The following NAV2 variants were observed in gnomAD, a reference collection of about 807,000 sequenced individuals.
NAV2 encodes the protein neuron navigator 2.
Under a neutral mutation model 223.2 loss-of-function variants are expected in NAV2, and 54 were observed. That is an observed-to-expected ratio of 0.24 (90% confidence interval 0.19 to 0.30). The LOEUF is 0.30. Among genes scored for constraint, NAV2 ranks in the 10% least tolerant of loss-of-function variants. The probability of loss-of-function intolerance (pLI) is 1.00; values close to 1 mark genes in which losing one functional copy is unlikely to be tolerated. For synonymous variants in NAV2, 1,279 were observed against 1,239.3 expected (o/e 1.03, Z -0.67); for missense variants, 2,806 against 3,147.5 (o/e 0.89, Z 2.60).
chr11:19,368,185 C>T (rs902631053), intron 1 of NAV2, among the ~76,000 whole-genome samples: 1 of 152,212 alleles, frequency 6.6e-6, no homozygotes, highest in South Asian at 2.1e-4. Context: ...CATATTCATG[C>T]ACCCTCAATG....
chr11:20,086,084 G>A (rs968246631), intron 26 of NAV2, among the ~76,000 whole-genome samples: 6 of 152,198 alleles, frequency 3.9e-5, no homozygotes, highest in African/African-American at 7.2e-5. Context: ...CCACATATGC[G>A]AGTAGGCTAC....
At chr11:19,359,176 A>G (rs956234792) in intron 1 of NAV2, among the ~76,000 whole-genome samples, 3 of 152,186 alleles carry the variant, frequency 2.0e-5, no homozygotes, top group Admixed American at 2.0e-4. Flanking sequence ...TAGAAAGGAG[A>G]AGATTTTAAT....
At chr11:20,099,523 C>G (rs1320332326) in intron 31 of NAV2, among the ~76,000 whole-genome samples, 2 of 152,182 alleles carry the variant, frequency 1.3e-5, no homozygotes, top group Admixed American at 6.5e-5. Context: ...TCGCTGCTGT[C>G]AGCACGTCAA....
chr11:19,365,210 T>G (rs1848234645), intron 1 of NAV2, among the ~76,000 whole-genome samples: 1 of 152,202 alleles, frequency 6.6e-6, no homozygotes, highest in East Asian at 1.9e-4. Context: ...CCTCATTCTT[T>G]CCAGTTTTCT....
At chr11:19,642,459 A>T (rs1470822978) in intron 1 of NAV2, among the ~76,000 whole-genome samples, 1 of 152,116 alleles carries the variant, frequency 6.6e-6, no homozygotes, top group Non-Finnish European at 1.5e-5. Flanking sequence ...AACTTAGATG[A>T]CCTCAGGAGT....
At chr11:19,467,675 C>T (rs776434982) in intron 1 of NAV2, among the ~76,000 whole-genome samples, 26 of 152,120 alleles carry the variant, frequency 1.7e-4, no homozygotes, top group Middle Eastern at 3.2e-3. Context: ...AGATCTGGGG[C>T]GAATCAGAAT....
At position 19,599,257 on chromosome 11, in the gene NAV2, C is replaced by T. The variant is rs527260079; in HGVS notation, c.76-233227C>T. ...TCTCACCATGTTCTTTGGTTTCTTT[C>T]CCCCTGAGAATCCTTTCCAGTGGAA... is the stretch of plus-strand genomic sequence containing the variant. On this transcript the variant is annotated intron_variant, in intron 1 of 37. Coordinates refer to the NAV2 transcript ENST00000360655. 5.9e-5 allele frequency among the ~76,000 whole-genome samples: 9 copies of T among 152,336 alleles called. No individual in the cohort carries two copies. The South Asian group carries it at 1.9e-3, about 32-fold the overall frequency.
rs73420196 is a variant in NAV2 at position 19,554,045 on chromosome 11, G to A, written c.75+203018G>A. On this transcript the variant is annotated intron_variant, in intron 1 of 37. Coordinates refer to the NAV2 transcript ENST00000360655. The stretch of plus-strand genomic sequence containing the variant: ...AGAGCATTTCATACTGAAAAGTTGT[G>A]GGAGCTCTCTCTCCTTTTTTGTTTT... Among the ~76,000 whole-genome samples the A allele has an allele frequency of 9.9e-3, 1,515 of 152,288 alleles. 25 individuals are homozygous for A. The highest frequency in any genetic ancestry group is 0.034 in the African/African-American group (1,399 of 41,550).
At chr11:19,513,284 C>T (rs1034597507) in intron 1 of NAV2, among the ~76,000 whole-genome samples, 3 of 152,176 alleles carry the variant, frequency 2.0e-5, no homozygotes, top group East Asian at 1.9e-4. Context: ...TTGAGACCCA[C>T]AGGTGTTGAA....
At chr11:19,453,625 C>G (rs1230990674) in intron 1 of NAV2, among the ~76,000 whole-genome samples, 1 of 152,182 alleles carries the variant, frequency 6.6e-6, no homozygotes, top group Non-Finnish European at 1.5e-5. Context: ...CCCATCTGCT[C>G]CTGAACCTGC....
intron 10 of NAV2, among the ~76,000 whole-genome samples, chr11:19,972,366 A>G (rs2049322276): frequency 6.6e-6 from 1 of 152,156 alleles, no homozygotes; most frequent in East Asian, 1.9e-4. Flanking sequence ...TGTGGATTCA[A>G]TGGCTGCTAA....
chr11:19,784,411 A>G (rs1314060652), intron 1 of NAV2, among the ~76,000 whole-genome samples: 1 of 149,772 alleles, frequency 6.7e-6, no homozygotes, highest in African/African-American at 2.4e-5. Context: ...AAAAAAAAAA[A>G]AAAAAGAGGG....
At chr11:19,372,295 CTAGCTGAAAAGTGCTGAA>C (rs2133865407) in intron 1 of NAV2, among the ~76,000 whole-genome samples, 1 of 152,294 alleles carries the variant, frequency 6.6e-6, no homozygotes, top group African/African-American at 2.4e-5. Context: ...ACTTGATTCC[CTAGCTGAAAAGTGCTGAA>C]TAGAGATTCT....
At chr11:19,505,671 A>T (rs887519957) in intron 1 of NAV2, 2 of 152,218 alleles carry the variant, frequency 1.3e-5, no homozygotes, top group Admixed American at 1.3e-4. Context: ...TGGACAGTAG[A>T]GAACCACAAA....
At chr11:19,660,018 A>G (rs1352685847) in intron 1 of NAV2, among the ~76,000 whole-genome samples, 1 of 152,158 alleles carries the variant, frequency 6.6e-6, no homozygotes, top group Non-Finnish European at 1.5e-5. Flanking sequence ...TCTGCCTACC[A>G]TTAAGAGATT....
chr11:19,706,309 T>C (rs972363089), intron 1 of NAV2, among the ~76,000 whole-genome samples: 11 of 152,216 alleles, frequency 7.2e-5, no homozygotes, highest in Non-Finnish European at 1.3e-4. Context: ...ACTTAACTTA[T>C]AGAAGTAGGA....
At chr11:19,629,797 G>A (rs2047293437) in intron 1 of NAV2, among the ~76,000 whole-genome samples, 1 of 152,110 alleles carries the variant, frequency 6.6e-6, no homozygotes, top group South Asian at 2.1e-4. Context: ...ATCACACCCT[G>A]CACTTTCCCG....
intron 1 of NAV2, among the ~76,000 whole-genome samples, chr11:19,441,044 T>G (rs919501154): frequency 2.0e-5 from 3 of 152,146 alleles, no homozygotes; most frequent in African/African-American, 7.2e-5. Flanking sequence ...AAAGAAGATG[T>G]ACAGGATGAT....
intron 1 of NAV2, among the ~76,000 whole-genome samples, chr11:19,623,345 T>A (rs1425753037): frequency 6.6e-6 from 1 of 152,194 alleles, no homozygotes; most frequent in African/African-American, 2.4e-5. Flanking sequence ...TGCTGGATAA[T>A]ATCCTGCAGA....
Sources: allele counts gnomAD v4.1 joint callset (sites outside exome capture counted in the v4.1 genomes callset), GRCh38; gene constraint gnomAD v4.1.1; transcripts MANE v1.5; gene names NCBI Gene and HGNC (gene_info 2026-07-23, HGNC 2026-07-21).